NR1H3: variants seen among roughly 807,000 people sequenced by gnomAD.
The protein encoded by NR1H3 is nuclear receptor subfamily 1 group H member 3.
Under a neutral mutation model 48.1 loss-of-function variants are expected in NR1H3, and 19 were observed. That is an observed-to-expected ratio of 0.40 (90% confidence interval 0.28 to 0.58). The LOEUF (loss-of-function observed/expected upper bound fraction) is 0.58, where lower values mean the gene tolerates loss of function less well. Among genes scored for constraint, NR1H3 ranks in the 20% least tolerant of loss-of-function variants. The pLI is 0.50. For missense variants in NR1H3, 486 were observed against 595.9 expected (o/e 0.82, Z 1.92); for synonymous variants, 232 against 227.3 (o/e 1.02, Z -0.19).
chr11:47,263,015 A>G (rs1322789914), intron 7 of NR1H3, among the ~76,000 whole-genome samples: 1 of 152,168 alleles, frequency 6.6e-6, no homozygotes, highest in Admixed American at 6.6e-5. Context: ...GGAACCTGAG[A>G]GATATATGGA....
chr11:47,259,372 G>C, intron 2 of NR1H3, 113 bp downstream of exon 2: 1 of 1,602,826 alleles, frequency 6.2e-7, no homozygotes, highest in East Asian at 2.2e-5. Context: ...GAGCAGTCCA[G>C]AGTCATTCTT....
upstream of NR1H3, chr11:47,257,678 G>T (rs1336339614): frequency 1.1e-5 from 11 of 985,858 alleles, no homozygotes; most frequent in South Asian, 4.7e-4. Flanking sequence ...AGGCTGCTGG[G>T]ATTGGGGTGG....
chr11:47,259,400 G>A (rs773380160), intron 2 of NR1H3, 141 bp downstream of exon 2: 18 of 1,578,224 alleles, frequency 1.1e-5, no homozygotes, highest in Admixed American at 7.4e-5. Flanking sequence ...CTTGCCTCCC[G>A]CCCAGATCAC....
At chr11:47,253,251 G>C (rs1341170569), upstream of NR1H3, among the ~76,000 whole-genome samples, 1 of 150,820 alleles carries the variant, frequency 6.6e-6, no homozygotes, top group African/African-American at 2.4e-5. Flanking sequence ...TTACAAGTGT[G>C]AGCCACCACA....
At chr11:47,268,062 T>C (rs1424950289) in intron 8 of NR1H3, 36 bp downstream of exon 8, 4 of 1,536,306 alleles carry the variant, frequency 2.6e-6, no homozygotes, top group Non-Finnish European at 3.6e-6. Context: ...AGCAAGAGAC[T>C]TACACCAAGG....
intron 1 of NR1H3, among the ~76,000 whole-genome samples, chr11:47,252,959 C>CTTT (rs35321542): frequency 4.1e-4 from 47 of 113,274 alleles, no homozygotes; most frequent in South Asian, 5.8e-4. Flanking sequence ...AACTTGTATT[C>CTTT]TTTTTTTTTT....
At chr11:47,254,068 C>T (rs539444158), upstream of NR1H3, among the ~76,000 whole-genome samples, 3 of 152,300 alleles carry the variant, frequency 2.0e-5, no homozygotes, top group South Asian at 6.2e-4. Flanking sequence ...GTTGGGGTTT[C>T]TGAGCTGTAA....
chr11:47,255,639 TTCTTTCTTTCTCTTTCTC>T (rs1955090711), upstream of NR1H3, among the ~76,000 whole-genome samples: 1 of 135,036 alleles, frequency 7.4e-6, no homozygotes, highest in Non-Finnish European at 1.6e-5. Flanking sequence ...CTTTCTTTCT[TTCTTTCTTTCTCTTTCTC>T]TCTCTCTCTC....
At chr11:47,255,099 G>A (rs1390185612), upstream of NR1H3, among the ~76,000 whole-genome samples, 5 of 152,320 alleles carry the variant, frequency 3.3e-5, no homozygotes, top group Admixed American at 6.5e-5. Context: ...TGGAGCATCT[G>A]CAGGGTTCTC....
At chr11:47,253,745 G>T (rs531347610), upstream of NR1H3, among the ~76,000 whole-genome samples, 170 of 152,312 alleles carry the variant, frequency 1.1e-3, 1 homozygote, top group African/African-American at 3.9e-3. Context: ...GGTTCTGGGG[G>T]GCCAGATATG....
At chr11:47,255,122 G>A (rs1954962699), upstream of NR1H3, among the ~76,000 whole-genome samples, 1 of 152,178 alleles carries the variant, frequency 6.6e-6, no homozygotes, top group Non-Finnish European at 1.5e-5. Context: ...CCTCTCCCCT[G>A]TAGCCCACCA....
upstream of NR1H3, chr11:47,248,356 G>T: frequency 2.3e-6 from 3 of 1,307,744 alleles, no homozygotes; most frequent in South Asian, 1.3e-5. Context: ...CAAGGTACAG[G>T]TAGGAAGGGA....
At chr11:47,264,204 A>G (rs764662412) in intron 7 of NR1H3, among the ~76,000 whole-genome samples, 2 of 152,176 alleles carry the variant, frequency 1.3e-5, no homozygotes, top group Non-Finnish European at 2.9e-5. Flanking sequence ...CAGGAAACCA[A>G]GTAGCTTAAC....
chr11:47,259,491 C>T (rs1955592523), intron 2 of NR1H3: 1 of 1,544,308 alleles, frequency 6.5e-7, no homozygotes, highest in Non-Finnish European at 8.7e-7. Flanking sequence ...AGAGAGTTGG[C>T]CAGCTGAGTG....
rs568164648 is a variant in NR1H3 at position 47,268,409 on chromosome 11, C to T, written c.1197+54C>T. On this transcript the variant is annotated intron_variant, in intron 9 of 9. Transcript: ENST00000441012. ...TCCTTCCCACACACAGGCCCATTCC[C>T]TGACATACCTACTTTCCCTTCAAGA... 2.6e-5 allele frequency: 41 copies of T among 1,593,320 alleles called. No individual in the cohort carries two copies. In the Admixed American group the frequency reaches 3.0e-4, roughly 12 times the overall value.
intron 7 of NR1H3, among the ~76,000 whole-genome samples, chr11:47,266,099 A>G (rs1424754053): frequency 6.6e-6 from 1 of 152,168 alleles, no homozygotes; most frequent in African/African-American, 2.4e-5. Flanking sequence ...CCATACTGCA[A>G]TATTCCCTCG....
intron 7 of NR1H3, among the ~76,000 whole-genome samples, chr11:47,263,911 A>G (rs1167241570): frequency 6.6e-6 from 1 of 151,674 alleles, no homozygotes; most frequent in Non-Finnish European, 1.5e-5. Context: ...CCCCTCCCCT[A>G]CTCTTTTTCA....
chr11:47,266,525 G>T (rs1322024079), intron 7 of NR1H3, among the ~76,000 whole-genome samples: 2 of 151,978 alleles, frequency 1.3e-5, no homozygotes, highest in Non-Finnish European at 2.9e-5. Context: ...GTAGAGACCG[G>T]GTTTCACTGT....
chr11:47,248,372 G>T (rs2135547417), upstream of NR1H3: 1 of 1,411,476 alleles, frequency 7.1e-7, no homozygotes, highest in South Asian at 1.3e-5. Context: ...AGGGAAAAGA[G>T]AAGTGAAAGC....
Sources: allele counts gnomAD v4.1 joint callset (sites outside exome capture counted in the v4.1 genomes callset), GRCh38; gene constraint gnomAD v4.1.1; transcripts MANE v1.5; gene names NCBI Gene and HGNC (gene_info 2026-07-23, HGNC 2026-07-21).